The following MYT1L variants were observed in gnomAD, a reference collection of about 807,000 sequenced individuals.
MYT1L encodes the protein myelin transcription factor 1 like, also known as myelin transcription factor 1-like protein.
A neutral mutation model predicts 126.7 loss-of-function variants in MYT1L; 12 were observed. That is an observed-to-expected ratio of 0.09 (90% confidence interval 0.06 to 0.15). MYT1L has a LOEUF of 0.15. Among genes scored for constraint, MYT1L ranks in the 10% least tolerant of loss-of-function variants. The probability of loss-of-function intolerance (pLI) is 1.00; values close to 1 mark genes in which losing one functional copy is unlikely to be tolerated. For synonymous variants in MYT1L, 541 were observed against 604.2 expected (o/e 0.90, Z 1.53); for missense variants, 979 against 1,585.2 (o/e 0.62, Z 6.49).
rs114477952 is a variant in MYT1L at position 2,179,542 on chromosome 2, C to T, written c.-420-6554G>A. Among the ~76,000 whole-genome samples, 812 of 152,298 alleles carry T rather than the reference C, an allele frequency of 5.3e-3. 8 individuals are homozygous for T. The highest frequency in any genetic ancestry group is 0.019 in the African/African-American group (780 of 41,568). On this transcript the variant is annotated intron_variant, in intron 2 of 24. Coordinates refer to ENST00000647738, the MANE Select transcript of MYT1L (RefSeq NM_001303052.2). ...ATCGTTATCATGACAACACCTTACA[C>T]GTGTATTCCAATTTAAAGTTAAAAG...
chr2:1,808,953 T>G, intron 22 of MYT1L, 123 bp downstream of exon 22: 2 of 852,042 alleles, frequency 2.3e-6, no homozygotes, highest in Non-Finnish European at 3.8e-6. Context: ...AGGGCCAGAA[T>G]TATCTCTGCC....
At chr2:2,285,815 GC>G (rs902061921) in intron 1 of MYT1L, among the ~76,000 whole-genome samples, 9 of 152,122 alleles carry the variant, frequency 5.9e-5, no homozygotes, top group African/African-American at 2.2e-4. Context: ...CTGTACATTG[GC>G]TCAAGATGCT....
chr2:2,154,577 G>A (rs927635775), intron 3 of MYT1L, among the ~76,000 whole-genome samples: 4 of 152,212 alleles, frequency 2.6e-5, no homozygotes, highest in Non-Finnish European at 5.9e-5. Context: ...TAATGCAGGA[G>A]CAGAAAACCA....
intron 3 of MYT1L, among the ~76,000 whole-genome samples, chr2:2,121,864 C>T (rs1035085716): frequency 6.6e-6 from 1 of 152,180 alleles, no homozygotes; most frequent in African/African-American, 2.4e-5. Flanking sequence ...GGGCTGCGGT[C>T]GCCTGTGATC....
chr2:2,226,451 G>A (rs910110843), intron 2 of MYT1L, among the ~76,000 whole-genome samples: 2 of 152,158 alleles, frequency 1.3e-5, no homozygotes, highest in Admixed American at 6.5e-5. Context: ...AGTCATGGCC[G>A]TGGACACCGC....
chr2:2,266,652 C>G (rs924343245), intron 2 of MYT1L, among the ~76,000 whole-genome samples: 1 of 152,176 alleles, frequency 6.6e-6, no homozygotes, highest in East Asian at 1.9e-4. Flanking sequence ...GGCTGTGTCC[C>G]CACCCAAATC....
chr2:1,813,197 G>T (rs1175931027), intron 21 of MYT1L, among the ~76,000 whole-genome samples: 2 of 152,196 alleles, frequency 1.3e-5, no homozygotes, highest in Non-Finnish European at 2.9e-5. Flanking sequence ...GAGAGGGAGG[G>T]CCACAAAGGC....
At chr2:2,211,419 A>C (rs2093502057) in intron 2 of MYT1L, among the ~76,000 whole-genome samples, 1 of 152,120 alleles carries the variant, frequency 6.6e-6, no homozygotes, top group Admixed American at 6.5e-5. Flanking sequence ...TTTTTTAAAA[A>C]AATTCTGTTA....
intron 3 of MYT1L, among the ~76,000 whole-genome samples, chr2:2,092,310 G>C (rs2076985642): frequency 1.3e-5 from 2 of 151,770 alleles, no homozygotes; most frequent in African/African-American, 4.9e-5. Context: ...TTTAGAAGGG[G>C]GAGATAGAAG....
At chr2:1,976,602 A>T (rs919961743) in intron 8 of MYT1L, among the ~76,000 whole-genome samples, 3 of 152,220 alleles carry the variant, frequency 2.0e-5, no homozygotes, top group African/African-American at 7.2e-5. Flanking sequence ...AGATTGTGCC[A>T]CTGCACTCCA....
At chr2:1,956,404 G>GTCTATCTATCTA (rs372440974) in intron 8 of MYT1L, among the ~76,000 whole-genome samples, 2,176 of 81,690 alleles carry the variant, frequency 0.027, 228 homozygotes, top group Admixed American at 0.037. Flanking sequence ...CTATCTGTCT[G>GTCTATCTATCTA]TCTATCTATC....
At chr2:1,962,008 G>A (rs1558553082) in intron 8 of MYT1L, among the ~76,000 whole-genome samples, 2 of 152,208 alleles carry the variant, frequency 1.3e-5, no homozygotes, top group Non-Finnish European at 2.9e-5. Context: ...TATATCCCAA[G>A]TACACTGACT....
intron 1 of MYT1L, among the ~76,000 whole-genome samples, chr2:2,314,436 C>T (rs2096029547): frequency 6.6e-6 from 1 of 152,202 alleles, no homozygotes; most frequent in African/African-American, 2.4e-5. Flanking sequence ...TCCTTTTTCC[C>T]CATGTATCCA....
In MYT1L at chr2:1,812,231, C is replaced by T. The variant is rs567751547; in HGVS notation, c.3081-3064G>A. ...CCCTGATGCTCTAACGCACATAAGACGTGGAACTGGCTAGGAAAGACTTAG... is the reference window on the plus strand; with the variant it reads ...CCCTGATGCTCTAACGCACATAAGATGTGGAACTGGCTAGGAAAGACTTAG... On this transcript the variant is annotated intron_variant, in intron 21 of 24. Coordinates refer to ENST00000647738, the MANE Select transcript of MYT1L (RefSeq NM_001303052.2). Among the ~76,000 whole-genome samples, 6 of 152,282 alleles carry T rather than the reference C, an allele frequency of 3.9e-5. No homozygotes were observed. The East Asian group carries it at 7.7e-4, about 20-fold the overall frequency.
chr2:1,809,592 A>G (rs1292383343), intron 21 of MYT1L, among the ~76,000 whole-genome samples: 1 of 152,268 alleles, frequency 6.6e-6, no homozygotes, highest in African/African-American at 2.4e-5. Flanking sequence ...AATATACAAA[A>G]GTAGAGACAG....
intron 18 of MYT1L, among the ~76,000 whole-genome samples, chr2:1,863,014 A>G (rs554841617): frequency 6.6e-6 from 1 of 152,310 alleles, no homozygotes; most frequent in Non-Finnish European, 1.5e-5. Flanking sequence ...ATGATCCAGG[A>G]GGCCAGGGAT....
At chr2:2,043,429 C>A (rs2067784723) in intron 4 of MYT1L, among the ~76,000 whole-genome samples, 1 of 152,208 alleles carries the variant, frequency 6.6e-6, no homozygotes, top group African/African-American at 2.4e-5. Flanking sequence ...CACACAAAGT[C>A]ATTGTACATT....
intron 18 of MYT1L, among the ~76,000 whole-genome samples, chr2:1,858,179 A>C (rs1228490508): frequency 2.6e-5 from 4 of 152,248 alleles, no homozygotes; most frequent in Non-Finnish European, 4.4e-5. Flanking sequence ...ATATTTTTTA[A>C]TTTTGATTCT....
At chr2:2,099,971 G>T (rs2077865246) in intron 3 of MYT1L, among the ~76,000 whole-genome samples, 1 of 152,192 alleles carries the variant, frequency 6.6e-6, no homozygotes, top group African/African-American at 2.4e-5. Flanking sequence ...GAGTGGGAAT[G>T]GGCGCCATAG....
Sources: allele counts gnomAD v4.1 joint callset (sites outside exome capture counted in the v4.1 genomes callset), GRCh38; gene constraint gnomAD v4.1.1; transcripts MANE v1.5; gene names NCBI Gene and HGNC (gene_info 2026-07-23, HGNC 2026-07-21).